KCNQ1OT1: variants seen among roughly 807,000 people sequenced by gnomAD.
KCNQ1OT1 encodes the protein KCNQ1 antisense RNA 2 (non-protein coding).
chr11:2,609,644 G>A, exon 1 of KCNQ1OT1: 1 of 398,250 alleles, frequency 2.5e-6, no homozygotes, highest in Non-Finnish European at 4.4e-6. Context: ...TACTATTGTT[G>A]AATTGGCTAT....
chr11:2,699,921 T>G (rs1000186595), exon 1 of KCNQ1OT1: 6 of 398,224 alleles, frequency 1.5e-5, no homozygotes, highest in African/African-American at 1.2e-4. Context: ...AGAATCGCGC[T>G]GAGGGGCGCC....
In KCNQ1OT1 at chr11:2,669,497, C is replaced by G; in HGVS notation, n.30498G>C. 2.5e-6 allele frequency: 1 copy of G among 398,636 alleles called. No individual in the cohort carries two copies. Among genetic ancestry groups the G allele is most frequent in the Non-Finnish European group, 4.4e-6 (1 of 226,070 alleles). The allele number at this position is 398,636 out of a possible 1,614,324, so 24.7% of individuals were successfully genotyped here. A position where few individuals can be genotyped will look rare whatever the true frequency, so the allele number is the denominator to read the frequency against. ...CATGAACAGCTTGTCAGATTCATTC[C>G]TTGTCAGCTAATGGTTTGATGTATG... On this transcript the variant is annotated non_coding_transcript_exon_variant, in exon 1 of 1. Coordinates refer to ENST00000597346, the Ensembl canonical transcript of KCNQ1OT1. This position sits in a 1 kb window ranked among gnomAD's most constrained non-coding sequence, Gnocchi z 5.6.
At position 2,673,305 on chromosome 11, in the gene KCNQ1OT1, A is replaced by G. The variant is rs1850220469; in HGVS notation, n.26690T>C. 7.5e-6 allele frequency: 3 copies of G among 398,768 alleles called. No homozygotes were observed. The highest frequency in any genetic ancestry group is 8.8e-5 in the Admixed American group (2 of 22,740). The allele number at this position is 398,768 out of a possible 1,614,324, so 24.7% of individuals were successfully genotyped here. On this transcript the variant is annotated non_coding_transcript_exon_variant, in exon 1 of 1. Transcript: ENST00000597346. This position sits in a 1 kb window ranked among gnomAD's most constrained non-coding sequence, Gnocchi z 4.5. Reference sequence around the variant, plus strand: ...CCTAGAAGAAATCTTGAGAGAAACAATCCCACAGGCTACCAGGCCAGCTTT... The same window carrying G: ...CCTAGAAGAAATCTTGAGAGAAACAGTCCCACAGGCTACCAGGCCAGCTTT...
chr11:2,615,808 T>C, exon 1 of KCNQ1OT1: 1 of 398,064 alleles, frequency 2.5e-6, no homozygotes, highest in Non-Finnish European at 4.4e-6. Context: ...AATAAAAGAT[T>C]TTAGTATCTA....
chr11:2,615,779 G>A (rs1849051458), exon 1 of KCNQ1OT1: 3 of 397,664 alleles, frequency 7.5e-6, no homozygotes, highest in Non-Finnish European at 1.3e-5. Context: ...GCTGAATTTG[G>A]CTTACTAGTA....
At chr11:2,641,744 T>C (rs1201431954) in exon 1 of KCNQ1OT1, 1 of 398,358 alleles carries the variant, frequency 2.5e-6, no homozygotes, top group African/African-American at 2.1e-5. Flanking sequence ...CAATGTCTCC[T>C]TCATTAATAG....
exon 1 of KCNQ1OT1, chr11:2,656,169 T>C (rs560855435): frequency 3.0e-4 from 119 of 398,658 alleles, no homozygotes; most frequent in South Asian, 1.7e-3. Context: ...CATCAAAATA[T>C]GTTTTTTCTT....
At position 2,621,776 on chromosome 11, in the gene KCNQ1OT1, G is replaced by C; in HGVS notation, n.78219C>G. ...TTTTGTCCTCTTTCTTAGTCCAAGA[G>C]TTTGTTGATTTTATTTTTCAAAAAT... On this transcript the variant is annotated non_coding_transcript_exon_variant, in exon 1 of 1. Coordinates refer to ENST00000597346, the Ensembl canonical transcript of KCNQ1OT1. This position sits in a 1 kb window ranked among gnomAD's most constrained non-coding sequence, Gnocchi z 5.7. 1 of 398,260 alleles carries C rather than the reference G, an allele frequency of 2.5e-6. No individual in the cohort carries two copies. Among genetic ancestry groups the C allele is most frequent in the East Asian group, 3.6e-5 (1 of 27,994 alleles). 24.7% of individuals were successfully genotyped at this position (398,260 alleles called of 1,614,324 possible).
chr11:2,641,512 A>G (rs1849576692), exon 1 of KCNQ1OT1: 1 of 398,176 alleles, frequency 2.5e-6, no homozygotes, highest in East Asian at 3.6e-5. Context: ...GAGTTATTGG[A>G]GTTCCTAGTA....
rs1324864724 is a variant in KCNQ1OT1 at position 2,620,289 on chromosome 11, T to C, written n.79706A>G. The C allele has an allele frequency of 4.6e-6, 1 of 216,090 alleles. No individual in the cohort carries two copies. Among genetic ancestry groups the C allele is most frequent in the Non-Finnish European group, 8.9e-6 (1 of 112,956 alleles). The allele number at this position is 216,090 out of a possible 1,614,324, so 13.4% of individuals were successfully genotyped here. A position where few individuals can be genotyped will look rare whatever the true frequency, so the allele number is the denominator to read the frequency against. The stretch of plus-strand genomic sequence containing the variant: ...TGGAGGGCAATGGCATGATCTCGGC[T>C]CACTGCAGCCTCCGCCTACCGGGTT... On this transcript the variant is annotated non_coding_transcript_exon_variant, in exon 1 of 1. Transcript: ENST00000597346. The surrounding 1 kb of genome is among the most constrained non-coding windows in gnomAD (Gnocchi z 4.5).
In KCNQ1OT1 at chr11:2,690,863, G is replaced by A. The variant is rs976157860; in HGVS notation, n.9132C>T. ...ACTGTTAGGAACAGGTACCTTTAGG[G>A]ACACAGGAGTGTAAGCCACTGTTTC... is the stretch of plus-strand genomic sequence containing the variant. On this transcript the variant is annotated non_coding_transcript_exon_variant, in exon 1 of 1. Coordinates refer to ENST00000597346, the Ensembl canonical transcript of KCNQ1OT1. This position sits in a 1 kb window ranked among gnomAD's most constrained non-coding sequence, Gnocchi z 5.1. 2 of 398,496 alleles carry A rather than the reference G, an allele frequency of 5.0e-6. No homozygotes were observed. Among genetic ancestry groups the A allele is most frequent in the African/African-American group, 4.1e-5 (2 of 48,622 alleles). 24.7% of individuals were successfully genotyped at this position (398,496 alleles called of 1,614,324 possible).
chr11:2,655,755 G>A, exon 1 of KCNQ1OT1: 1 of 371,360 alleles, frequency 2.7e-6, no homozygotes, highest in Non-Finnish European at 4.7e-6. Flanking sequence ...ACAGGGAAGA[G>A]GTGGCAGCTC....
chr11:2,699,706 C>T (rs917354434), exon 1 of KCNQ1OT1: 35 of 221,094 alleles, frequency 1.6e-4, no homozygotes, highest in African/African-American at 5.3e-4. Flanking sequence ...CCGAGGAGAA[C>T]GGCGCCGAGG....
chr11:2,659,362 C>CT lies in KCNQ1OT1; in HGVS notation n.40632dup. The CT allele has an allele frequency of 2.5e-6, 1 of 398,552 alleles. No individual in the cohort carries two copies. Among genetic ancestry groups the CT allele is most frequent in the Non-Finnish European group, 4.4e-6 (1 of 226,030 alleles). 24.7% of individuals were successfully genotyped at this position (398,552 alleles called of 1,614,324 possible). A position where few individuals can be genotyped will look rare whatever the true frequency, so the allele number is the denominator to read the frequency against. ...TAAATGGGATCCTATAATATGTATT[C>CT]TTTTGCATCTGGCTTCTTTCACTGC... is the stretch of plus-strand genomic sequence containing the variant. On this transcript the variant is annotated non_coding_transcript_exon_variant, in exon 1 of 1. Transcript: ENST00000597346. This position sits in a 1 kb window ranked among gnomAD's most constrained non-coding sequence, Gnocchi z 4.3.
At chr11:2,685,744 A>G (rs1276442096) in exon 1 of KCNQ1OT1, 2 of 398,588 alleles carry the variant, frequency 5.0e-6, no homozygotes, top group African/African-American at 2.1e-5. Flanking sequence ...CGAAATGGCC[A>G]GCAGGCAGGC....
chr11:2,674,093 C>T lies in KCNQ1OT1; in HGVS notation n.25902G>A, dbSNP rs1163926428. The T allele has an allele frequency of 8.0e-5, 32 of 398,506 alleles. No homozygotes were observed. The highest frequency in any genetic ancestry group is 1.2e-4 in the African/African-American group (6 of 48,594). The allele number at this position is 398,506 out of a possible 1,614,324, so 24.7% of individuals were successfully genotyped here. ...GGGGGCTTGGGCTAGGTCTCCCTGCCGGTGGGGAGGGAGGTGTGGAAGCTG... is the reference window on the plus strand; with the variant it reads ...GGGGGCTTGGGCTAGGTCTCCCTGCTGGTGGGGAGGGAGGTGTGGAAGCTG... On this transcript the variant is annotated non_coding_transcript_exon_variant, in exon 1 of 1. Coordinates refer to ENST00000597346, the Ensembl canonical transcript of KCNQ1OT1. This position sits in a 1 kb window ranked among gnomAD's most constrained non-coding sequence, Gnocchi z 5.9.
rs939163972 is a variant in KCNQ1OT1 at position 2,687,036 on chromosome 11, G to A, written n.12959C>T. On this transcript the variant is annotated non_coding_transcript_exon_variant, in exon 1 of 1. Transcript: ENST00000597346. The surrounding 1 kb of genome is among the most constrained non-coding windows in gnomAD (Gnocchi z 5.0). ...AAGAGCTTAGGGCTAAAACTCAGCA[G>A]TCCCAGCTCTGGGGGACAAGGACCC... 3 of 398,556 alleles carry A rather than the reference G, an allele frequency of 7.5e-6. No individual in the cohort carries two copies. The highest frequency in any genetic ancestry group is 4.1e-5 in the African/African-American group (2 of 48,632). The allele number at this position is 398,556 out of a possible 1,614,324, so 24.7% of individuals were successfully genotyped here.
chr11:2,647,190 T>C lies in KCNQ1OT1; in HGVS notation n.52805A>G. 1 of 398,534 alleles carries C rather than the reference T, an allele frequency of 2.5e-6. No homozygotes were observed. 24.7% of individuals were successfully genotyped at this position (398,534 alleles called of 1,614,324 possible). A position where few individuals can be genotyped will look rare whatever the true frequency, so the allele number is the denominator to read the frequency against. ...CTTTTTTTTTTATCATGAAGAGATT[T>C]TGAATTTTATCAGATGCTTTTTCTG... On this transcript the variant is annotated non_coding_transcript_exon_variant, in exon 1 of 1. Coordinates refer to ENST00000597346, the Ensembl canonical transcript of KCNQ1OT1. The surrounding 1 kb of genome is among the most constrained non-coding windows in gnomAD (Gnocchi z 4.0).
chr11:2,663,855 C>T lies in KCNQ1OT1; in HGVS notation n.36140G>A, dbSNP rs1164687985. ...CAGCACATGCCAAGCTCCCTGGAGC[C>T]AGAGGTTACCCACCTGCCCAAGGGT... On this transcript the variant is annotated non_coding_transcript_exon_variant, in exon 1 of 1. Coordinates refer to ENST00000597346, the Ensembl canonical transcript of KCNQ1OT1. The surrounding 1 kb of genome is among the most constrained non-coding windows in gnomAD (Gnocchi z 5.2). 3 of 398,572 alleles carry T rather than the reference C, an allele frequency of 7.5e-6. No homozygotes were observed. The highest frequency in any genetic ancestry group is 1.3e-5 in the Non-Finnish European group (3 of 226,116). 24.7% of individuals were successfully genotyped at this position (398,572 alleles called of 1,614,324 possible).
Sources: allele counts gnomAD v4.1 joint callset, GRCh38; gene constraint gnomAD v4.1.1; non-coding constraint Gnocchi (gnomAD v3.1); transcripts MANE v1.5; gene names NCBI Gene and HGNC (gene_info 2026-07-23, HGNC 2026-07-21).